RTL4: variants seen among roughly 807,000 people sequenced by gnomAD.
The protein encoded by RTL4 is retrotransposon Gag-like protein 4.
RTL4 carries 4 observed loss-of-function variants against 5.3 expected under a neutral mutation model. That is an observed-to-expected ratio of 0.75 (90% CI 0.37 to 1.72). The LOEUF is 1.72. Among genes scored for constraint, RTL4 ranks in the 40% most tolerant of loss-of-function variants. RTL4 has a pLI of 0.04. For synonymous variants in RTL4, 98 were observed against 87.3 expected, an observed-to-expected ratio of 1.12 and a Z score of -0.68; for missense variants, 260 against 227.1, an observed-to-expected ratio of 1.14 and a Z score of -0.93.
chrX:112,156,035 C>T, the RTL4 span, among the ~76,000 whole-genome samples: 3 of 112,107 alleles, frequency 2.7e-5, no homozygotes, highest in Admixed American at 2.8e-4. Context: ...GGCTATTGGC[C>T]ATTGTGTTGG....
the RTL4 span, among the ~76,000 whole-genome samples, chrX:112,178,485 G>A: frequency 8.9e-6 from 1 of 112,087 alleles, no homozygotes; most frequent in Admixed American, 9.5e-5. Context: ...CCATAGTTAT[G>A]TAAGCTGTGA....
chrX:112,327,865 G>A, the RTL4 span, among the ~76,000 whole-genome samples: 2 of 111,039 alleles, frequency 1.8e-5, no homozygotes, highest in East Asian at 2.9e-4. Context: ...CATTCTTAAA[G>A]AAAAGAATTT....
At chrX:112,084,660 T>C in the RTL4 span, among the ~76,000 whole-genome samples, 1 of 111,327 alleles carries the variant, frequency 9.0e-6, no homozygotes, top group Non-Finnish European at 1.9e-5. Flanking sequence ...TATGTGACCG[T>C]GGATAAAACT....
the RTL4 span, among the ~76,000 whole-genome samples, chrX:112,173,010 G>A: frequency 9.4e-6 from 1 of 106,413 alleles, no homozygotes; most frequent in Non-Finnish European, 1.9e-5. Context: ...CTGTTGGGGG[G>A]GTCGGGGGAG....
the RTL4 span, among the ~76,000 whole-genome samples, chrX:112,239,939 A>G: frequency 8.9e-5 from 10 of 112,038 alleles, no homozygotes; most frequent in Admixed American, 8.6e-4. Flanking sequence ...TATACCAAGA[A>G]CCAGGAAAAT....
chrX:112,310,959 C>T, the RTL4 span, among the ~76,000 whole-genome samples: 1 of 101,697 alleles, frequency 9.8e-6, no homozygotes, highest in African/African-American at 3.6e-5. Context: ...AATTAAATTC[C>T]AGTCTTGCAG....
chrX:112,310,146 C>T, the RTL4 span, among the ~76,000 whole-genome samples: 1 of 102,397 alleles, frequency 9.8e-6, no homozygotes, highest in Admixed American at 1.1e-4. Flanking sequence ...TGTTGAAGCC[C>T]TAACCTCCAA....
At chrX:112,182,004 T>G in the RTL4 span, among the ~76,000 whole-genome samples, 1 of 111,633 alleles carries the variant, frequency 9.0e-6, no homozygotes, top group Non-Finnish European at 1.9e-5. Context: ...GAATCTTTGC[T>G]GTTCTAGAGA....
chrX:112,430,010 T>C, the RTL4 span, among the ~76,000 whole-genome samples: 2 of 111,660 alleles, frequency 1.8e-5, no homozygotes, highest in Admixed American at 1.9e-4. Flanking sequence ...AAATATAATA[T>C]GCCTAGGTGT....
chrX:112,146,462 G>A, the RTL4 span, among the ~76,000 whole-genome samples: 1 of 111,360 alleles, frequency 9.0e-6, no homozygotes, highest in Non-Finnish European at 1.9e-5. Context: ...TTTTGGGCTG[G>A]AGATAATACA....
chrX:112,383,820 C>T, the RTL4 span, among the ~76,000 whole-genome samples: 1 of 111,129 alleles, frequency 9.0e-6, no homozygotes, highest in Non-Finnish European at 1.9e-5. Flanking sequence ...GAGATGGCAA[C>T]AATAGACATA....
chrX:112,348,879 T>G, the RTL4 span, among the ~76,000 whole-genome samples: 2 of 110,593 alleles, frequency 1.8e-5, no homozygotes, highest in African/African-American at 6.6e-5. Context: ...TGTGTAATTT[T>G]TCAATACCAC....
chrX:112,172,700 G>A, the RTL4 span, among the ~76,000 whole-genome samples: 2 of 110,893 alleles, frequency 1.8e-5, no homozygotes, highest in Non-Finnish European at 3.8e-5. Context: ...ATAAAGATAT[G>A]TTATGTTCAT....
chrX:112,419,595 T>TATTTACATATGTATATGTATATATATATA, the RTL4 span, among the ~76,000 whole-genome samples: 1 of 28,161 alleles, frequency 3.6e-5, no homozygotes, highest in African/African-American at 7.2e-5. Flanking sequence ...ATATATATAT[T>TATTTACATATGTATATGTATATATATATA]TTTACATATG....
At chrX:112,344,067 C>T in the RTL4 span, among the ~76,000 whole-genome samples, 2 of 112,134 alleles carry the variant, frequency 1.8e-5, no homozygotes, top group African/African-American at 6.5e-5. Context: ...ATATGTTCCA[C>T]AGTAACTAGC....
At chrX:112,411,639 G>T in the RTL4 span, among the ~76,000 whole-genome samples, 1 of 110,931 alleles carries the variant, frequency 9.0e-6, no homozygotes, top group Admixed American at 9.6e-5. Context: ...GAAAGCATAT[G>T]ATAAAATTCG....
chrX:112,405,216 A>G, the RTL4 span, among the ~76,000 whole-genome samples: 1 of 111,886 alleles, frequency 8.9e-6, no homozygotes, highest in African/African-American at 3.3e-5. Flanking sequence ...TTAACACAAT[A>G]CTACTACAAT....
the RTL4 span, among the ~76,000 whole-genome samples, chrX:112,173,253 A>G: frequency 9.0e-6 from 1 of 111,460 alleles, no homozygotes; most frequent in Non-Finnish European, 1.9e-5. Flanking sequence ...AAAATAAAGT[A>G]CAGGATCCTA....
chrX:112,189,873 A>G, the RTL4 span, among the ~76,000 whole-genome samples: 2 of 112,230 alleles, frequency 1.8e-5, no homozygotes, highest in Middle Eastern at 9.2e-3. Context: ...TCATCACTGT[A>G]TATGGACTCA....
Sources: gnomAD v4.1 joint callset for allele counts (sites outside exome capture counted in the v4.1 genomes callset) on GRCh38, gnomAD v4.1.1 for gene constraint, MANE v1.5 for transcripts, NCBI Gene and HGNC (gene_info 2026-07-23, HGNC 2026-07-21) for gene names.